CREB3L3: variants seen among roughly 807,000 people sequenced by gnomAD.
CREB3L3 encodes cyclic AMP-responsive element-binding protein 3-like protein 3.
In CREB3L3, 40 loss-of-function variants were observed where a neutral mutation model predicts 44.6. That is an observed-to-expected ratio of 0.90 (90% CI 0.70 to 1.17). CREB3L3 has a LOEUF of 1.17. CREB3L3 is among the 50% of genes most tolerant of loss of function. The pLI is 0.00. For synonymous variants in CREB3L3, 273 were observed against 256.3 expected, an observed-to-expected ratio of 1.06 and a Z score of -0.62; for missense variants, 578 against 595.8, an observed-to-expected ratio of 0.97 and a Z score of 0.31.
intron 5 of CREB3L3, among the ~76,000 whole-genome samples, chr19:4,166,821 G>C (rs1223953294): frequency 1.3e-5 from 2 of 150,126 alleles, no homozygotes; most frequent in Non-Finnish European, 1.5e-5. Context: ...TGGTCTCAAG[G>C]GATCCTCCTG....
chr19:4,157,043 G>A lies in CREB3L3; in HGVS notation c.205G>A (p.Gly69Ser), dbSNP rs747985432. ...DSDDFLSSIL[G>S]SGDSLPSSPL... ...TGACGACTTCCTCAGCTCCATCCTG[G>A]GCTCTGGAGACTCACTGCCCAGCTC... Residue 69 changes from glycine to serine, a missense_variant, in exon 3 of 10, where the codon GGC becomes AGC. Physicochemically the swap from Gly to Ser is moderately conservative, Grantham distance 56 (BLOSUM62 0). Transcript: ENST00000078445. 5 of 1,613,826 alleles carry A rather than the reference G, an allele frequency of 3.1e-6. No homozygotes were observed. In the Admixed American group the frequency reaches 5.0e-5, roughly 16 times the overall value.
chr19:4,166,360 T>C (rs1966905641), intron 5 of CREB3L3, among the ~76,000 whole-genome samples: 1 of 151,294 alleles, frequency 6.6e-6, no homozygotes, highest in Non-Finnish European at 1.5e-5. Flanking sequence ...GTTCAAGTGA[T>C]TCTCCTGCCT....
chr19:4,159,154 CTT>C (rs34399566), intron 3 of CREB3L3, among the ~76,000 whole-genome samples: 2 of 144,016 alleles, frequency 1.4e-5, no homozygotes, highest in African/African-American at 2.5e-5. Context: ...GGGTCCCCAT[CTT>C]TTTTTTTTTT....
Position 4,156,689 on chromosome 19 carries a change from A to G in CREB3L3, c.157-306A>G, listed in dbSNP as rs1303622848. ...GCTACTTTTTGTATTTTTAGAAGAA[A>G]TGGGGTTTCATCATGTTGGCCAGGC... On this transcript the variant is annotated intron_variant, in intron 2 of 9. Coordinates refer to ENST00000078445, the MANE Select transcript of CREB3L3 (RefSeq NM_032607.3). 3.3e-5 allele frequency among the ~76,000 whole-genome samples: 5 copies of G among 150,270 alleles called. No individual in the cohort carries two copies. In the East Asian group the frequency reaches 9.8e-4, roughly 30 times the overall value.
Position 4,170,172 on chromosome 19 carries a change from TAC to T in CREB3L3, c.856_857del (p.Gln286GlufsTer88), listed in dbSNP as rs1967011857. The stretch of plus-strand genomic sequence containing the variant: ...GCTTGCACTGCTCAGAATCAGGAGT[TAC>T]AGAGGAAAGTCTTGCATCTCGAGAA... On this transcript the variant is annotated frameshift_variant, in exon 7 of 10. Transcript: ENST00000078445. LOFTEE classifies it high-confidence loss of function. The T allele has an allele frequency of 6.2e-7, 1 of 1,614,092 alleles. No homozygotes were observed. The highest frequency in any genetic ancestry group is 8.5e-7 in the Non-Finnish European group (1 of 1,179,994).
chr19:4,167,210 T>G (rs80088733), intron 5 of CREB3L3, among the ~76,000 whole-genome samples: 18,060 of 151,690 alleles, frequency 0.12, 1,215 homozygotes, highest in East Asian at 0.3. Flanking sequence ...AGGCATGGTG[T>G]TGTGCACCTG....
intron 4 of CREB3L3, among the ~76,000 whole-genome samples, chr19:4,162,756 ATTGC>A (rs913247264): frequency 1.3e-5 from 2 of 151,908 alleles, no homozygotes; most frequent in African/African-American, 4.8e-5. Flanking sequence ...AAGTGGACAG[ATTGC>A]TTGAGCCCAG....
At chr19:4,170,010 T>C in intron 6 of CREB3L3, 130 bp from the exon 7 acceptor site, 2 of 875,272 alleles carry the variant, frequency 2.3e-6, no homozygotes, top group Non-Finnish European at 3.8e-6. Flanking sequence ...CGAGTAACCT[T>C]GGATGAATGA....
chr19:4,167,290 C>G (rs1346184019), intron 5 of CREB3L3, among the ~76,000 whole-genome samples: 1 of 147,794 alleles, frequency 6.8e-6, no homozygotes, highest in African/African-American at 2.5e-5. Context: ...TTGCAGTGAG[C>G]TGAGATCTTG....
In CREB3L3 at chr19:4,161,767, C is replaced by T. The variant is rs114361013; in HGVS notation, c.576+1985C>T. Among the ~76,000 whole-genome samples the T allele has an allele frequency of 4.6e-3, 697 of 152,288 alleles. 2 individuals are homozygous for T. The highest frequency in any genetic ancestry group is 0.015 in the African/African-American group (624 of 41,572). Reference sequence around the variant, plus strand: ...ATAATCTCTAGTGAAGGCCAGGGTGCCCCTGGCAACTAGAGGGATATGCAG... The same window carrying T: ...ATAATCTCTAGTGAAGGCCAGGGTGTCCCTGGCAACTAGAGGGATATGCAG... On this transcript the variant is annotated intron_variant, in intron 4 of 9. Transcript: ENST00000078445.
intron 4 of CREB3L3, among the ~76,000 whole-genome samples, chr19:4,163,332 G>GAAAGA (rs1555703354): frequency 1.2e-5 from 1 of 81,190 alleles, no homozygotes; most frequent in Non-Finnish European, 2.9e-5. Flanking sequence ...AGAAAGAAAA[G>GAAAGA]AAAGAAAGAA....
chr19:4,171,536 G>A lies in CREB3L3; in HGVS notation c.1072+57G>A. ...TGGTCTCCCCAAGTCCCCGTCCTGG[G>A]CCTCTGGGGGAGGGGGAGAAGACCC... On this transcript the variant is annotated intron_variant, in intron 9 of 9. Transcript: ENST00000078445. The surrounding 1 kb of genome is among the most constrained non-coding windows in gnomAD (Gnocchi z 4.9). The A allele has an allele frequency of 1.2e-6, 2 of 1,605,920 alleles. No individual in the cohort carries two copies. The highest frequency in any genetic ancestry group is 2.2e-5 in the East Asian group (1 of 44,810).
chr19:4,164,646 T>C lies in CREB3L3; in HGVS notation c.714+6T>C, dbSNP rs2041703392. 1 of 1,613,800 alleles carries C rather than the reference T, an allele frequency of 6.2e-7. No individual in the cohort carries two copies. The highest frequency in any genetic ancestry group is 2.2e-5 in the East Asian group (1 of 44,854). On this transcript the variant is annotated splice_donor_region_variant and intron_variant, in intron 5 of 9. Transcript: ENST00000078445. ...CTCAGCTGCCCCTCACTAAGGTGAG[T>C]CTGGGGGGACTTCCAGCCCTGGATC...
intron 4 of CREB3L3, among the ~76,000 whole-genome samples, chr19:4,161,316 G>A (rs2041660865): frequency 6.6e-6 from 1 of 151,974 alleles, no homozygotes. Context: ...GTCTTGCTAT[G>A]TTTCCCAGGC....
In CREB3L3 at chr19:4,171,751, A is replaced by T; in HGVS notation, c.1168A>T (p.Thr390Ser). Residue 390 changes from threonine to serine, a missense_variant, in exon 10 of 10, where the codon ACA (threonine) becomes TCA (serine). By Grantham distance (58) the Thr-to-Ser change is moderately conservative. Coordinates refer to ENST00000078445, the MANE Select transcript of CREB3L3 (RefSeq NM_032607.3). This position sits in a 1 kb window ranked among gnomAD's most constrained non-coding sequence, Gnocchi z 4.9. ...CCCAGGACCCCGACCCGAGGCTGAC[A>T]CAACCCGAGAAGAGTCTCCAGGAAG... ...EAPGPRPEADTTREESPGSPG... is the reference protein window; with the variant it reads ...EAPGPRPEADSTREESPGSPG... 6.2e-7 allele frequency: 1 copy of T among 1,613,314 alleles called. No individual in the cohort carries two copies. Among genetic ancestry groups the T allele is most frequent in the Non-Finnish European group, 8.5e-7 (1 of 1,179,996 alleles).
At chr19:4,156,297 C>T (rs2041575867) in intron 2 of CREB3L3, among the ~76,000 whole-genome samples, 1 of 151,766 alleles carries the variant, frequency 6.6e-6, no homozygotes, top group Non-Finnish European at 1.5e-5. Context: ...AAGTGATTCT[C>T]CTGCCTCAGC....
At chr19:4,164,030 G>C (rs2041694589) in intron 4 of CREB3L3, among the ~76,000 whole-genome samples, 1 of 143,358 alleles carries the variant, frequency 7.0e-6, no homozygotes, top group East Asian at 2.1e-4. Flanking sequence ...CTGGAGTGCA[G>C]TGGCACAATC....
At chr19:4,162,391 A>G (rs1338267919) in intron 4 of CREB3L3, among the ~76,000 whole-genome samples, 1 of 150,704 alleles carries the variant, frequency 6.6e-6, no homozygotes, top group Non-Finnish European at 1.5e-5. Flanking sequence ...TCCTGCCTCG[A>G]CCTCCCATTT....
intron 3 of CREB3L3, among the ~76,000 whole-genome samples, chr19:4,158,822 C>A (rs2041622658): frequency 6.7e-6 from 1 of 148,270 alleles, no homozygotes; most frequent in South Asian, 2.1e-4. Context: ...AAAAAAAAAT[C>A]TGAGGCTCAG....
Sources: allele counts gnomAD v4.1 joint callset (sites outside exome capture counted in the v4.1 genomes callset), GRCh38; gene constraint gnomAD v4.1.1; non-coding constraint Gnocchi (gnomAD v3.1); transcripts MANE v1.5; gene names NCBI Gene and HGNC (gene_info 2026-07-23, HGNC 2026-07-21).